PCDH11X: variants seen among roughly 807,000 people sequenced by gnomAD.
PCDH11X encodes protocadherin 11 X-linked, also known as protocadherin-11 X-linked.
In PCDH11X, 18 loss-of-function variants were observed where a neutral mutation model predicts 53.3. The observed-to-expected ratio is 0.34, with a 90% CI of 0.23 to 0.50. The LOEUF is 0.50. PCDH11X is among the 20% of genes least tolerant of loss of function. The pLI is 0.98. For missense variants in PCDH11X, 570 were observed against 1,032.4 expected (o/e 0.55, Z 6.14); for synonymous variants, 279 against 393.3 (o/e 0.71, Z 3.44).
rs2064583318 is a variant in PCDH11X at position 92,114,123 on chromosome X, A to C, written c.3034-87252A>C. ...CCATGACCACCTTCTGTATCTGCTG[A>C]GCCAATTCTCGAGTGGGTGCTAGGA... On this transcript the variant is annotated intron_variant, in intron 6 of 10. Coordinates refer to ENST00000682573, the MANE Select transcript of PCDH11X (RefSeq NM_032968.5). The C allele has an allele frequency of 4.2e-6, 5 of 1,178,365 alleles. No homozygotes were observed. The Admixed American group carries it at 1.1e-4, about 26-fold the overall frequency.
intron 10 of PCDH11X, among the ~76,000 whole-genome samples, chrX:92,505,217 C>G (rs1161868845): frequency 2.5e-5 from 1 of 39,810 alleles, no homozygotes; most frequent in Non-Finnish European, 4.2e-5. Context: ...TCACACTTGT[C>G]TTTTTTTTTT....
At chrX:92,138,634 ATTAG>A (rs2065123605) in intron 6 of PCDH11X, among the ~76,000 whole-genome samples, 1 of 110,949 alleles carries the variant, frequency 9.0e-6, no homozygotes, top group Admixed American at 9.7e-5. Flanking sequence ...CATTGTAATT[ATTAG>A]TTCTTATATT....
chrX:91,905,550 T>A (rs1237948706), intron 6 of PCDH11X, among the ~76,000 whole-genome samples: 1 of 111,792 alleles, frequency 8.9e-6, no homozygotes, highest in South Asian at 3.7e-4. Context: ...ATATAATAAT[T>A]GCTTTTTGTA....
intron 10 of PCDH11X, among the ~76,000 whole-genome samples, chrX:92,523,692 ACTTAT>A (rs2074402753): frequency 8.9e-6 from 1 of 111,756 alleles, no homozygotes; most frequent in Admixed American, 9.5e-5. Flanking sequence ...TGTAATGAAC[ACTTAT>A]CTTTTCTTTT....
chrX:92,478,486 CTTT>C (rs1289274539), intron 10 of PCDH11X, among the ~76,000 whole-genome samples: 4 of 110,456 alleles, frequency 3.6e-5, no homozygotes, highest in African/African-American at 1.3e-4. Flanking sequence ...ATTTTTTTAA[CTTT>C]TAGATGTGGG....
At chrX:91,821,229 T>G (rs1936668294) in intron 4 of PCDH11X, among the ~76,000 whole-genome samples, 1 of 110,523 alleles carries the variant, frequency 9.0e-6, no homozygotes, top group Admixed American at 9.6e-5. Flanking sequence ...GGTAGCTTGA[T>G]GGGGATGGCA....
chrX:91,886,250 C>G (rs1015263077), intron 6 of PCDH11X, among the ~76,000 whole-genome samples: 1 of 110,935 alleles, frequency 9.0e-6, no homozygotes, highest in Non-Finnish European at 1.9e-5. Context: ...ATGAAATGTC[C>G]TTGATGGTCT....
intron 10 of PCDH11X, among the ~76,000 whole-genome samples, chrX:92,584,711 TAA>T (rs1048820458): frequency 9.3e-6 from 1 of 107,620 alleles, no homozygotes; most frequent in African/African-American, 3.4e-5. Context: ...CAATTCTACA[TAA>T]GTTGTTTTCA....
At chrX:91,784,649 T>C (rs1055617040) in intron 1 of PCDH11X, among the ~76,000 whole-genome samples, 9 of 111,818 alleles carry the variant, frequency 8.0e-5, no homozygotes, top group Admixed American at 1.9e-4. Context: ...CTACAACCAG[T>C]TAGAGCCTCT....
At chrX:92,451,292 C>T (rs2072773842) in intron 9 of PCDH11X, among the ~76,000 whole-genome samples, 1 of 110,340 alleles carries the variant, frequency 9.1e-6, no homozygotes, top group Non-Finnish European at 1.9e-5. Context: ...CAGTGTACCT[C>T]AAACTTTCAT....
chrX:92,015,228 T>C (rs1409279871), intron 6 of PCDH11X, among the ~76,000 whole-genome samples: 2 of 111,718 alleles, frequency 1.8e-5, no homozygotes, highest in East Asian at 5.6e-4. Flanking sequence ...CTGTGAGATA[T>C]GAAATTCCAT....
intron 6 of PCDH11X, among the ~76,000 whole-genome samples, chrX:92,030,693 G>C (rs1365591570): frequency 9.3e-6 from 1 of 107,629 alleles, no homozygotes; most frequent in Non-Finnish European, 1.9e-5. Context: ...ATGTCCATGA[G>C]TTCAATTGTT....
chrX:92,269,340 A>C (rs1400452516), intron 8 of PCDH11X, among the ~76,000 whole-genome samples: 5 of 112,016 alleles, frequency 4.5e-5, no homozygotes, highest in African/African-American at 1.6e-4. Flanking sequence ...AAAATCAAAA[A>C]AATTATACTG....
rs760646772 is a variant in PCDH11X at position 92,563,424 on chromosome X, A to T, written c.3368-54840A>T. 4.9e-4 allele frequency among the ~76,000 whole-genome samples: 53 copies of T among 108,765 alleles called. No individual in the cohort carries two copies. The Middle Eastern group carries it at 0.024, about 48-fold the overall frequency. The allele number at this position is 108,765 out of a possible 115,157, so 94.4% of individuals were successfully genotyped here. A position where few individuals can be genotyped will look rare whatever the true frequency, so the allele number is the denominator to read the frequency against. ...CTCCCTCCCTGGCCCCATCTCCAAT[A>T]TATGAGATTACATTTCAATGTAAGA... On this transcript the variant is annotated intron_variant, in intron 10 of 10. Transcript: ENST00000682573.
At position 92,348,511 on chromosome X, in the gene PCDH11X, C is replaced by CATTATT. The variant is rs200025065; in HGVS notation, c.3145-39190_3145-39185dup. On this transcript the variant is annotated intron_variant, in intron 8 of 10. Transcript: ENST00000682573. ...CAGAGAAATCAAACATCAAAATTAT[C>CATTATT]ATTATTATTATTATTATTATTATTA... is the stretch of plus-strand genomic sequence containing the variant. 2.9e-3 allele frequency among the ~76,000 whole-genome samples: 276 copies of CATTATT among 93,570 alleles called. 1 individual carries two copies. The highest frequency in any genetic ancestry group is 0.012 in the East Asian group (14 of 1,141). 81.3% of individuals were successfully genotyped at this position (93,570 alleles called of 115,157 possible). A position where few individuals can be genotyped will look rare whatever the true frequency, so the allele number is the denominator to read the frequency against.
rs896107113 is a variant in PCDH11X at position 92,621,468 on chromosome X, A to G, written c.*2528A>G. ...TAGATTGTGTTTAGAATATTAAATG[A>G]CTGGGCACCCTCTTCTTGGTTTTTA... On this transcript the variant is annotated 3_prime_UTR_variant, in exon 11 of 11. Transcript: ENST00000682573. 23 of 109,383 alleles carry G rather than the reference A, an allele frequency of 2.1e-4. No individual in the cohort carries two copies. Among genetic ancestry groups the G allele is most frequent in the African/African-American group, 7.4e-4 (22 of 29,900 alleles). 9.0% of individuals were successfully genotyped at this position (109,383 alleles called of 1,213,427 possible). A position where few individuals can be genotyped will look rare whatever the true frequency, so the allele number is the denominator to read the frequency against.
At chrX:92,208,054 G>A (rs992453101) in intron 7 of PCDH11X, among the ~76,000 whole-genome samples, 5 of 108,618 alleles carry the variant, frequency 4.6e-5, no homozygotes, top group Non-Finnish European at 7.6e-5. Flanking sequence ...AATTAGCTGG[G>A]TGCGGTGGCA....
At chrX:92,260,077 C>T (rs2067681877) in intron 7 of PCDH11X, among the ~76,000 whole-genome samples, 1 of 109,865 alleles carries the variant, frequency 9.1e-6, no homozygotes, top group African/African-American at 3.3e-5. Flanking sequence ...GTGATGCCAA[C>T]CCTCCTTTAT....
At chrX:92,189,743 T>A (rs1380523563) in intron 6 of PCDH11X, among the ~76,000 whole-genome samples, 1 of 112,208 alleles carries the variant, frequency 8.9e-6, no homozygotes, top group Non-Finnish European at 1.9e-5. Context: ...CTTGATTTTT[T>A]AATAATCACC....
Sources: allele counts gnomAD v4.1 joint callset (sites outside exome capture counted in the v4.1 genomes callset), GRCh38; gene constraint gnomAD v4.1.1; transcripts MANE v1.5; gene names NCBI Gene and HGNC (gene_info 2026-07-23, HGNC 2026-07-21).